JCAD: variants seen among roughly 807,000 people sequenced by gnomAD.
The protein encoded by JCAD is junctional cadherin 5-associated protein.
A neutral mutation model predicts 98.0 loss-of-function variants in JCAD; 40 were observed. The ratio of observed to expected loss-of-function variants is 0.41; its 90% confidence interval spans 0.32 to 0.53. JCAD has a LOEUF of 0.53. Among genes scored for constraint, JCAD ranks in the 20% least tolerant of loss-of-function variants. The pLI is 0.31. For synonymous variants in JCAD, 691 were observed against 682.3 expected (o/e 1.01, Z -0.20); for missense variants, 1,705 against 1,738.1 (o/e 0.98, Z 0.34).
chr10:30,091,843 G>T (rs1838272351), intron 1 of JCAD, among the ~76,000 whole-genome samples: 1 of 145,322 alleles, frequency 6.9e-6, no homozygotes, highest in Admixed American at 7.0e-5. Flanking sequence ...GGCCAAAATG[G>T]CAAAACCCTG....
chr10:30,026,220 G>A lies in JCAD; in HGVS notation c.3928C>T (p.Arg1310Cys), dbSNP rs372187301. 66 of 1,613,866 alleles carry A rather than the reference G, an allele frequency of 4.1e-5. No individual in the cohort carries two copies. Among genetic ancestry groups the A allele is most frequent in the Non-Finnish European group, 5.3e-5 (62 of 1,180,044 alleles). ...GGLVSPGSGD[R>C]AQRLGHSLSV... ...AGTGAGTGGCCCAATCTCTGGGCACGGTCCCCACTGCCAGGAGACACAAGG... is the reference window on the plus strand; with the variant it reads ...AGTGAGTGGCCCAATCTCTGGGCACAGTCCCCACTGCCAGGAGACACAAGG... Residue 1310 changes from arginine to cysteine, a missense_variant, in exon 3 of 4, where the codon CGT (arginine) becomes TGT (cysteine). Around this residue, in one of 3 missense-constraint regions of JCAD, gnomAD observed 1,278 missense variants for 1,243.1 expected, o/e 1.03. Coordinates refer to ENST00000375377, the MANE Select transcript of JCAD (RefSeq NM_020848.4).
intron 3 of JCAD, 92 bp downstream of exon 3, chr10:30,026,011 G>A: frequency 7.1e-7 from 1 of 1,404,182 alleles, no homozygotes; most frequent in Non-Finnish European, 1.0e-6. Flanking sequence ...TTCTGAATAT[G>A]CAGATTTACA....
intron 2 of JCAD, among the ~76,000 whole-genome samples, chr10:30,039,119 G>T (rs1470708086): frequency 1.3e-5 from 2 of 152,220 alleles, no homozygotes; most frequent in Non-Finnish European, 1.5e-5. Context: ...ACACTGGGTG[G>T]CCCTTACTTG....
At chr10:30,092,477 A>G (rs1052016869) in intron 1 of JCAD, among the ~76,000 whole-genome samples, 3 of 152,134 alleles carry the variant, frequency 2.0e-5, no homozygotes, top group African/African-American at 4.8e-5. Context: ...CCCTCCGAAC[A>G]GAAGCTAGCA....
At chr10:30,099,172 A>C (rs756876059) in intron 1 of JCAD, among the ~76,000 whole-genome samples, 20 of 152,246 alleles carry the variant, frequency 1.3e-4, no homozygotes, top group Non-Finnish European at 2.6e-4. Flanking sequence ...AATGAAACGT[A>C]AACATAATCC....
rs761072255 is a variant in JCAD, at chr10:30,029,044, G to A, written c.1104C>T (p.Gly368=). ...TCGGAGACTGCTGTTGACTGTGACC[G>A]CCACACACATTTATGGGCACCGTGT... ...LEDTVPINVC[G]GHSQQQSPTE... is the part of the protein sequence containing the mutation. Residue 368 remains glycine, a synonymous_variant, in exon 3 of 4, where the codon GGC becomes GGT. Transcript: ENST00000375377. The A allele has an allele frequency of 1.1e-5, 18 of 1,613,934 alleles. No homozygotes were observed. Among genetic ancestry groups the A allele is most frequent in the South Asian group, 6.6e-5 (6 of 91,064 alleles).
At chr10:30,088,540 T>C (rs1264011302) in intron 1 of JCAD, among the ~76,000 whole-genome samples, 2 of 152,200 alleles carry the variant, frequency 1.3e-5, no homozygotes, top group African/African-American at 2.4e-5. Context: ...TTTCAGTTTC[T>C]TTCTCTTTTA....
intron 1 of JCAD, among the ~76,000 whole-genome samples, chr10:30,049,502 C>T (rs1439269050): frequency 6.6e-6 from 1 of 152,136 alleles, no homozygotes; most frequent in African/African-American, 2.4e-5. Flanking sequence ...TGGAGAGTAT[C>T]AAACTTTGGA....
At chr10:30,024,092 G>A (rs1836730318) in intron 3 of JCAD, among the ~76,000 whole-genome samples, 1 of 152,164 alleles carries the variant, frequency 6.6e-6, no homozygotes, top group Non-Finnish European at 1.5e-5. Flanking sequence ...TTGAGCCTAG[G>A]AGTTCAAGGC....
At position 30,092,057 on chromosome 10, in the gene JCAD, AAAAAAAAATAT is replaced by A. The variant is rs1318703603; in HGVS notation, n.129-22247_129-22237del. On this transcript the variant is annotated intron_variant and non_coding_transcript_variant, in intron 1 of 2. Transcript: ENST00000465712. ...CACAAAAAAAAAAAAAAAAAAAAAAAAAAAAAAATATATATATATATATATATATATAAAGT... is the reference window on the plus strand; with the variant it reads ...CACAAAAAAAAAAAAAAAAAAAAAAAATATATATATATATATATATAAAGT... Among the ~76,000 whole-genome samples the A allele has an allele frequency of 2.0e-3, 48 of 24,504 alleles. 1 individual carries two copies. Among genetic ancestry groups the A allele is most frequent in the East Asian group, 7.6e-3 (5 of 654 alleles). The allele number at this position is 24,504 out of a possible 152,430, so 16.1% of individuals were successfully genotyped here.
chr10:30,102,372 T>C (rs1457335595), intron 1 of JCAD, among the ~76,000 whole-genome samples: 1 of 152,118 alleles, frequency 6.6e-6, no homozygotes, highest in Non-Finnish European at 1.5e-5. Flanking sequence ...GGGTTCACCA[T>C]GCTGGCCGGC....
In JCAD at chr10:30,026,913, C is replaced by T. The variant is rs375563520; in HGVS notation, c.3235G>A (p.Gly1079Ser). 3.1e-5 allele frequency: 50 copies of T among 1,614,044 alleles called. No individual in the cohort carries two copies. Among genetic ancestry groups the T allele is most frequent in the Non-Finnish European group, 3.7e-5 (44 of 1,180,022 alleles). The change falls in exon 3 of 4, where the codon GGT becomes AGT. Residue 1079 changes from glycine (G) to serine (S), a missense_variant. Gly to Ser is a moderately conservative substitution (Grantham distance 56). This residue lies in a region of JCAD where 1,278 missense variants were observed against 1,243.1 expected (regional missense o/e 1.03). Coordinates refer to ENST00000375377, the MANE Select transcript of JCAD (RefSeq NM_020848.4). Reference protein sequence around the residue: ...GEASTIEIPPGESLQARAARI... With the variant: ...GEASTIEIPPSESLQARAARI... Reference sequence around the variant, plus strand: ...GCAGCCCTGGCTTGCAAGGACTCACCTGGGGGGATTTCTATTGTGCTTGCT... The same window carrying T: ...GCAGCCCTGGCTTGCAAGGACTCACTTGGGGGGATTTCTATTGTGCTTGCT...
intron 1 of JCAD, among the ~76,000 whole-genome samples, chr10:30,081,534 C>A (rs1208699848): frequency 1.3e-5 from 2 of 152,156 alleles, no homozygotes; most frequent in East Asian, 1.9e-4. Flanking sequence ...CTGGTTCAAG[C>A]GATTCTCATA....
intron 1 of JCAD, among the ~76,000 whole-genome samples, chr10:30,082,335 T>C (rs914928755): frequency 2.0e-5 from 3 of 152,180 alleles, no homozygotes; most frequent in African/African-American, 7.2e-5. Context: ...ATGGGAAAAC[T>C]ATGACAACTC....
At chr10:30,065,209 C>T (rs1354313604) in intron 2 of JCAD, among the ~76,000 whole-genome samples, 2 of 152,130 alleles carry the variant, frequency 1.3e-5, no homozygotes, top group African/African-American at 4.8e-5. Flanking sequence ...CTATAGTTAA[C>T]ATTAACCAAT....
chr10:30,114,520 A>G (rs922785699), intron 1 of JCAD, among the ~76,000 whole-genome samples: 1 of 151,004 alleles, frequency 6.6e-6, no homozygotes, highest in African/African-American at 2.4e-5. Flanking sequence ...CCACAATGAG[A>G]TATATTGAAA....
At chr10:30,089,934 A>G (rs7078436) in intron 1 of JCAD, among the ~76,000 whole-genome samples, 69,786 of 152,110 alleles carry the variant, frequency 0.46, 18,769 homozygotes, top group African/African-American at 0.74. Context: ...TCCCAATTAC[A>G]TTGGTGAAAA....
intron 1 of JCAD, among the ~76,000 whole-genome samples, chr10:30,113,548 C>CAAAAA (rs71023545): frequency 0.03 from 471 of 15,964 alleles, 144 homozygotes; most frequent in African/African-American, 0.085. Flanking sequence ...GAGACACTGT[C>CAAAAA]AAAAAAAAAA....
At chr10:30,082,180 T>C (rs1204192994) in intron 1 of JCAD, among the ~76,000 whole-genome samples, 1 of 152,210 alleles carries the variant, frequency 6.6e-6, no homozygotes, top group Non-Finnish European at 1.5e-5. Flanking sequence ...GAACAGATGG[T>C]AGTTTTAGAA....
Sources: allele counts gnomAD v4.1 joint callset (sites outside exome capture counted in the v4.1 genomes callset), GRCh38; gene constraint gnomAD v4.1.1; regional missense constraint gnomAD v4.1.1; transcripts MANE v1.5; gene names NCBI Gene and HGNC (gene_info 2026-07-23, HGNC 2026-07-21).